Variants in B3GALT1 observed in about 807,000 individuals in gnomAD.
B3GALT1 encodes UDP-Gal:betaGlcNAc beta 1,3-galactosyltransferase, polypeptide 1.
Under a neutral mutation model 23.2 loss-of-function variants are expected in B3GALT1, and 10 were observed. The observed-to-expected ratio is 0.43, with a 90% CI of 0.27 to 0.73. The LOEUF is 0.73. Ranked by LOEUF, B3GALT1 falls within the 30% of genes least tolerant of loss-of-function variation. B3GALT1 has a pLI of 0.21. For synonymous variants in B3GALT1, 156 were observed against 141.5 expected (o/e 1.10, Z -0.73); for missense variants, 299 against 405.4 (o/e 0.74, Z 2.25).
At position 167,441,120 on chromosome 2, in the gene B3GALT1, G is replaced by A. The variant is rs111314014; in HGVS notation, c.-510-49057G>A. ...ATTCCCTGGCTGTCAGGATTGGATG[G>A]GGCATGTGTTTGACCAAATGGACTC... On this transcript the variant is annotated intron_variant, in intron 1 of 4. Coordinates refer to ENST00000392690, the MANE Select transcript of B3GALT1 (RefSeq NM_020981.4). Among the ~76,000 whole-genome samples, 8 of 152,248 alleles carry A rather than the reference G, an allele frequency of 5.3e-5. 1 individual carries two copies. Among genetic ancestry groups the A allele is most frequent in the African/African-American group, 1.9e-4 (8 of 41,548 alleles).
chr2:167,849,944 G>A (rs1298310010), intron 4 of B3GALT1, among the ~76,000 whole-genome samples: 1 of 148,530 alleles, frequency 6.7e-6, no homozygotes, highest in East Asian at 2.0e-4. Context: ...CAACAATTCT[G>A]AAGATAACAT....
intron 3 of B3GALT1, among the ~76,000 whole-genome samples, chr2:167,735,658 A>AG (rs1392711786): frequency 1.3e-5 from 2 of 152,328 alleles, no homozygotes; most frequent in African/African-American, 4.8e-5. Flanking sequence ...AGAATACAAG[A>AG]GGGGTGGAGG....
intron 2 of B3GALT1, among the ~76,000 whole-genome samples, chr2:167,626,096 G>T (rs1685338361): frequency 6.6e-6 from 1 of 150,902 alleles, no homozygotes. Flanking sequence ...AAAAGAAAAA[G>T]AGAAGGTGAT....
At chr2:167,835,531 A>G (rs934984416) in intron 4 of B3GALT1, among the ~76,000 whole-genome samples, 2 of 152,240 alleles carry the variant, frequency 1.3e-5, no homozygotes, top group African/African-American at 4.8e-5. Context: ...GCAGCTGGGA[A>G]GCTCCAACTG....
At chr2:167,591,934 C>T (rs1684689340) in intron 2 of B3GALT1, among the ~76,000 whole-genome samples, 1 of 152,080 alleles carries the variant, frequency 6.6e-6, no homozygotes, top group Non-Finnish European at 1.5e-5. Context: ...GGGGAAAAAT[C>T]AGGTAGTGAT....
At chr2:167,857,833 T>C (rs1175871132) in intron 4 of B3GALT1, among the ~76,000 whole-genome samples, 1 of 152,144 alleles carries the variant, frequency 6.6e-6, no homozygotes, top group African/African-American at 2.4e-5. Context: ...GAACAATTTA[T>C]AAATCTGATT....
At chr2:167,750,672 T>G (rs1213264146) in intron 3 of B3GALT1, among the ~76,000 whole-genome samples, 1 of 150,272 alleles carries the variant, frequency 6.7e-6, no homozygotes, top group African/African-American at 2.4e-5. Context: ...CACAACCTTT[T>G]CATAGACAGA....
intron 1 of B3GALT1, among the ~76,000 whole-genome samples, chr2:167,400,182 G>GTGTGTGTGTC (rs2105288492): frequency 1.3e-5 from 2 of 151,482 alleles, no homozygotes; most frequent in African/African-American, 4.8e-5. Flanking sequence ...GTGTGTGTGT[G>GTGTGTGTGTC]TGTGTGTGTG....
chr2:167,836,822 G>A lies in B3GALT1; in HGVS notation c.-230+18029G>A, dbSNP rs969780422. On this transcript the variant is annotated intron_variant, in intron 4 of 4. Transcript: ENST00000392690. ...AAGGGAAGCCCATCAGACTAACAGCGGATCTCTCGGGAGAAACTCTACAAG... is the reference window on the plus strand; with the variant it reads ...AAGGGAAGCCCATCAGACTAACAGCAGATCTCTCGGGAGAAACTCTACAAG... 7.2e-5 allele frequency among the ~76,000 whole-genome samples: 11 copies of A among 152,294 alleles called. 1 individual carries two copies. In the South Asian group the frequency reaches 1.4e-3, roughly 20 times the overall value.
chr2:167,500,241 C>G (rs935104867), intron 2 of B3GALT1, among the ~76,000 whole-genome samples: 1 of 152,000 alleles, frequency 6.6e-6, no homozygotes, highest in Non-Finnish European at 1.5e-5. Flanking sequence ...AATTGAAAAC[C>G]AGATGGGCTT....
At chr2:167,349,241 A>G (rs964279125) in intron 1 of B3GALT1, among the ~76,000 whole-genome samples, 1 of 152,198 alleles carries the variant, frequency 6.6e-6, no homozygotes, top group South Asian at 2.1e-4. Context: ...GAAATTTCCC[A>G]GCTCCTCAAT....
intron 2 of B3GALT1, among the ~76,000 whole-genome samples, chr2:167,566,311 T>C (rs1684165652): frequency 6.9e-6 from 1 of 145,254 alleles, no homozygotes; most frequent in South Asian, 2.1e-4. Flanking sequence ...TGAGAACACA[T>C]GGACACAGGA....
intron 2 of B3GALT1, among the ~76,000 whole-genome samples, chr2:167,565,016 C>T (rs1442548813): frequency 6.6e-6 from 1 of 152,132 alleles, no homozygotes; most frequent in African/African-American, 2.4e-5. Flanking sequence ...CTTTAAATTT[C>T]ATATGGAACC....
At chr2:167,377,321 A>G (rs1427519606) in intron 1 of B3GALT1, among the ~76,000 whole-genome samples, 1 of 152,034 alleles carries the variant, frequency 6.6e-6, no homozygotes, top group East Asian at 1.9e-4. Flanking sequence ...GTTGATGGGT[A>G]GATTATTCTG....
At chr2:167,420,660 T>C (rs1698532688) in intron 1 of B3GALT1, among the ~76,000 whole-genome samples, 1 of 152,224 alleles carries the variant, frequency 6.6e-6, no homozygotes. Context: ...ATGGCCGTGG[T>C]AAGCCATATC....
At chr2:167,692,044 C>T (rs970515312) in intron 3 of B3GALT1, among the ~76,000 whole-genome samples, 3 of 152,082 alleles carry the variant, frequency 2.0e-5, no homozygotes, top group East Asian at 1.9e-4. Flanking sequence ...GCAAATAAAA[C>T]CCATTGCTGC....
intron 1 of B3GALT1, among the ~76,000 whole-genome samples, chr2:167,338,014 T>TTACA (rs1453352319): frequency 2.6e-5 from 4 of 152,184 alleles, no homozygotes; most frequent in African/African-American, 9.6e-5. Flanking sequence ...AGAAATTCCA[T>TTACA]TACATTCTTC....
chr2:167,348,213 A>G (rs550333464), intron 1 of B3GALT1, among the ~76,000 whole-genome samples: 2 of 152,296 alleles, frequency 1.3e-5, no homozygotes, highest in African/African-American at 2.4e-5. Flanking sequence ...CTTTTTAAAT[A>G]TGAAAATTTC....
At position 167,296,924 on chromosome 2, in the gene B3GALT1, CTCTT is replaced by C. The variant is rs537467306; in HGVS notation, c.-511+3593_-511+3596del. Among the ~76,000 whole-genome samples, 19 of 152,244 alleles carry C rather than the reference CTCTT, an allele frequency of 1.2e-4. No individual in the cohort carries two copies. The South Asian group carries it at 3.9e-3, about 32-fold the overall frequency. ...TAAGATCTAGATCTCATGGACCAATCTCTTTCCATCTCATTTTCTCTTGAACTTA... is the reference window on the plus strand; with the variant it reads ...TAAGATCTAGATCTCATGGACCAATCTCCATCTCATTTTCTCTTGAACTTA... On this transcript the variant is annotated intron_variant, in intron 1 of 4. Coordinates refer to ENST00000392690, the MANE Select transcript of B3GALT1 (RefSeq NM_020981.4).
Sources: allele counts gnomAD v4.1 joint callset (sites outside exome capture counted in the v4.1 genomes callset), GRCh38; gene constraint gnomAD v4.1.1; transcripts MANE v1.5; gene names NCBI Gene and HGNC (gene_info 2026-07-23, HGNC 2026-07-21).